VPS4A: variants seen among roughly 807,000 people sequenced by gnomAD.
VPS4A encodes vacuolar protein sorting-associated protein 4A.
VPS4A carries 20 observed loss-of-function variants against 52.3 expected under a neutral mutation model. That is an observed-to-expected ratio of 0.38 (90% confidence interval 0.27 to 0.56). The LOEUF (loss-of-function observed/expected upper bound fraction) is 0.56, where lower values mean the gene tolerates loss of function less well. Ranked by LOEUF, VPS4A falls within the 20% of genes least tolerant of loss-of-function variation. The pLI is 0.72. For synonymous variants in VPS4A, 293 were observed against 227.7 expected, an observed-to-expected ratio of 1.29 and a Z score of -2.58; for missense variants, 419 against 575.9, an observed-to-expected ratio of 0.73 and a Z score of 2.79.
rs1248094724 is a variant in VPS4A at position 69,322,719 on chromosome 16, G to A, written c.1212+19G>A. On this transcript the variant is annotated intron_variant, in intron 10 of 10. Coordinates refer to ENST00000254950, the MANE Select transcript of VPS4A (RefSeq NM_013245.3). The stretch of plus-strand genomic sequence containing the variant: ...TTGCATGGTAAGTGACTTGACAGGG[G>A]AGGGAAGAGGGCTGCACAGAGCCCA... 1 of 1,609,656 alleles carries A rather than the reference G, an allele frequency of 6.2e-7. No individual in the cohort carries two copies. Among genetic ancestry groups the A allele is most frequent in the Non-Finnish European group, 8.5e-7 (1 of 1,177,282 alleles).
chr16:69,311,682 G>T (rs1027612053), intron 1 of VPS4A, 150 bp downstream of exon 1: 4 of 861,968 alleles, frequency 4.6e-6, no homozygotes, highest in South Asian at 1.2e-4. Context: ...GCTTCCGCCC[G>T]TGTCTGTTTC....
At position 69,320,198 on chromosome 16, in the gene VPS4A, C is replaced by T. The variant is rs763087126; in HGVS notation, c.678C>T (p.Ile226=). 5 of 1,613,808 alleles carry T rather than the reference C, an allele frequency of 3.1e-6. No individual in the cohort carries two copies. The highest frequency in any genetic ancestry group is 1.3e-5 in the African/African-American group (1 of 74,932). The stretch of plus-strand genomic sequence containing the variant: ...AGCACAAGCCCTCCATCATCTTCAT[C>T]GATGAGGTGGATTCCCTCTGCGGGT... ...ARQHKPSIIF[I]DEVDSLCGSR... Residue 226 remains isoleucine, a synonymous_variant, in exon 7 of 11, where the codon ATC becomes ATT. Coordinates refer to ENST00000254950, the MANE Select transcript of VPS4A (RefSeq NM_013245.3). This position sits in a 1 kb window ranked among gnomAD's most constrained non-coding sequence, Gnocchi z 4.2.
In VPS4A at chr16:69,321,770, G is replaced by T. The variant is rs3852689; in HGVS notation, c.1071+500G>T. ...GAGACAGTCAACACAGTCAGTGAGTGTCTCAGAGGATGGAGATGGAGCAGG... is the reference window on the plus strand; with the variant it reads ...GAGACAGTCAACACAGTCAGTGAGTTTCTCAGAGGATGGAGATGGAGCAGG... On this transcript the variant is annotated intron_variant, in intron 9 of 10. Transcript: ENST00000254950. This position sits in a 1 kb window ranked among gnomAD's most constrained non-coding sequence, Gnocchi z 4.5. The T allele has an allele frequency of 0.26, 46,577 of 178,200 alleles. 6,875 individuals carry two copies. The highest frequency in any genetic ancestry group is 0.39 in the African/African-American group (16,187 of 41,930). The allele number at this position is 178,200 out of a possible 1,614,324, so 11.0% of individuals were successfully genotyped here. A position where few individuals can be genotyped will look rare whatever the true frequency, so the allele number is the denominator to read the frequency against.
chr16:69,321,316 G>A lies in VPS4A; in HGVS notation c.1071+46G>A, dbSNP rs1324724602. 5.2e-6 allele frequency: 8 copies of A among 1,528,758 alleles called. No individual in the cohort carries two copies. The highest frequency in any genetic ancestry group is 2.5e-5 in the South Asian group (2 of 81,570). The allele number at this position is 1,528,758 out of a possible 1,614,324, so 94.7% of individuals were successfully genotyped here. A position where few individuals can be genotyped will look rare whatever the true frequency, so the allele number is the denominator to read the frequency against. Reference sequence around the variant, plus strand: ...CTGAGAAAAATCTCATAGTAAGAGCGGGATGTTCGGTTTTTTTTTTCCCAG... The same window carrying A: ...CTGAGAAAAATCTCATAGTAAGAGCAGGATGTTCGGTTTTTTTTTTCCCAG... On this transcript the variant is annotated intron_variant, in intron 9 of 10. Coordinates refer to ENST00000254950, the MANE Select transcript of VPS4A (RefSeq NM_013245.3). The surrounding 1 kb of genome is among the most constrained non-coding windows in gnomAD (Gnocchi z 4.5).
chr16:69,317,556 A>G (rs864329), intron 3 of VPS4A, among the ~76,000 whole-genome samples: 3 of 151,996 alleles, frequency 2.0e-5, no homozygotes, highest in Non-Finnish European at 2.9e-5. Context: ...CACTTTGGGA[A>G]GCCGAGGCGG....
chr16:69,319,788 T>C (rs1284324434), intron 6 of VPS4A, among the ~76,000 whole-genome samples: 3 of 152,046 alleles, frequency 2.0e-5, no homozygotes, highest in African/African-American at 7.2e-5. Flanking sequence ...ATTTTTGGGG[T>C]CTGGGTTGCG....
chr16:69,324,558 C>G lies in VPS4A; in HGVS notation c.*249C>G, dbSNP rs1264870338. 8.5e-6 allele frequency: 4 copies of G among 469,674 alleles called. No homozygotes were observed. In the South Asian group the frequency reaches 1.2e-4, roughly 14 times the overall value. 29.1% of individuals were successfully genotyped at this position (469,674 alleles called of 1,614,324 possible). A position where few individuals can be genotyped will look rare whatever the true frequency, so the allele number is the denominator to read the frequency against. On this transcript the variant is annotated 3_prime_UTR_variant, in exon 11 of 11. Coordinates refer to ENST00000254950, the MANE Select transcript of VPS4A (RefSeq NM_013245.3). Reference sequence around the variant, plus strand: ...TCCTCTCCTGGATGCTCATCAGCTCCTTCTGCCTCCCCCCCTTTTTTTTCC... The same window carrying G: ...TCCTCTCCTGGATGCTCATCAGCTCGTTCTGCCTCCCCCCCTTTTTTTTCC...
chr16:69,316,001 T>C lies in VPS4A; in HGVS notation c.22-7T>C, dbSNP rs199577887. 1.0e-4 allele frequency: 164 copies of C among 1,613,222 alleles called. No homozygotes were observed. Among genetic ancestry groups the C allele is most frequent in the Non-Finnish European group, 1.3e-4 (154 of 1,179,722 alleles). ...GAAGCACTGAGCCATTTGCTTTGCCTTTCCAGAAAGCCATTGATCTGGTGA... is the reference window on the plus strand; with the variant it reads ...GAAGCACTGAGCCATTTGCTTTGCCCTTCCAGAAAGCCATTGATCTGGTGA... On this transcript the variant is annotated splice_region_variant and splice_polypyrimidine_tract_variant and intron_variant, in intron 1 of 10. Transcript: ENST00000254950.
rs1447043289 is a variant in VPS4A at position 69,311,380 on chromosome 16, C to T, written c.-132C>T. On this transcript the variant is annotated 5_prime_UTR_variant, in exon 1 of 11. Transcript: ENST00000254950. ...CGGACTCGGCTCCCGCTGCGAGCGG[C>T]CGCCCTGCCCGCGCACCGCGCTCAG... The T allele has an allele frequency of 1.1e-5, 11 of 1,031,454 alleles. 1 individual carries two copies. The African/African-American group carries it at 1.7e-4, about 16-fold the overall frequency. 63.9% of individuals were successfully genotyped at this position (1,031,454 alleles called of 1,614,324 possible). A position where few individuals can be genotyped will look rare whatever the true frequency, so the allele number is the denominator to read the frequency against.
chr16:69,324,149 G>A, intron 10 of VPS4A, 59 bp from the exon 11 acceptor site: 1 of 1,552,710 alleles, frequency 6.4e-7, no homozygotes, highest in South Asian at 1.2e-5. Context: ...TGTGTGCTGA[G>A]GGGAGGTTGG....
rs1946558240 is a variant in VPS4A at position 69,319,463 on chromosome 16, G to A, written c.540G>A (p.Val180=). The change falls in exon 6 of 11, where the codon GTG becomes GTA. Residue 180 remains valine, a synonymous_variant. Transcript: ENST00000254950. ...GTGKSYLAKA[V]ATEANNSTFF... Reference sequence around the variant, plus strand: ...GGAAATCCTACCTGGCCAAAGCCGTGGCAACAGAGGCCAACAACTCCACCT... The same window carrying A: ...GGAAATCCTACCTGGCCAAAGCCGTAGCAACAGAGGCCAACAACTCCACCT... 2.5e-6 allele frequency: 4 copies of A among 1,613,904 alleles called. No individual in the cohort carries two copies. Among genetic ancestry groups the A allele is most frequent in the African/African-American group, 2.7e-5 (2 of 74,940 alleles).
In VPS4A at chr16:69,320,636, C is replaced by G. The variant is rs1372452929; in HGVS notation, c.770-52C>G. 1.1e-5 allele frequency: 16 copies of G among 1,509,222 alleles called. No homozygotes were observed. Among genetic ancestry groups the G allele is most frequent in the Non-Finnish European group, 1.4e-5 (15 of 1,109,620 alleles). 93.5% of individuals were successfully genotyped at this position (1,509,222 alleles called of 1,614,324 possible). A position where few individuals can be genotyped will look rare whatever the true frequency, so the allele number is the denominator to read the frequency against. ...CCCGGGGTCTGTCCCCAGGTTTCAA[C>G]TGACCCGTGCAGGTGTCCAGAGTCT... is the stretch of plus-strand genomic sequence containing the variant. On this transcript the variant is annotated intron_variant, in intron 7 of 10. Coordinates refer to ENST00000254950, the MANE Select transcript of VPS4A (RefSeq NM_013245.3). This position sits in a 1 kb window ranked among gnomAD's most constrained non-coding sequence, Gnocchi z 4.2.
intron 10 of VPS4A, among the ~76,000 whole-genome samples, chr16:69,323,927 G>A (rs1366320947): frequency 1.4e-5 from 2 of 138,550 alleles, no homozygotes; most frequent in Non-Finnish European, 3.1e-5. Context: ...TCCAGCCTGG[G>A]TGACAGACTC....
At chr16:69,315,779 G>A (rs979220032) in intron 1 of VPS4A, among the ~76,000 whole-genome samples, 30 of 152,184 alleles carry the variant, frequency 2.0e-4, no homozygotes, top group Admixed American at 1.3e-3. Context: ...AATCCAGAGC[G>A]TGGCTTTTAA....
In VPS4A at chr16:69,322,714, C is replaced by G; in HGVS notation, c.1212+14C>G. ...GTGGTTTGCATGGTAAGTGACTTGA[C>G]AGGGGAGGGAAGAGGGCTGCACAGA... On this transcript the variant is annotated intron_variant, in intron 10 of 10. Transcript: ENST00000254950. The G allele has an allele frequency of 6.2e-7, 1 of 1,609,988 alleles. No individual in the cohort carries two copies. Among genetic ancestry groups the G allele is most frequent in the Non-Finnish European group, 8.5e-7 (1 of 1,177,548 alleles).
In VPS4A at chr16:69,325,579, A is replaced by C. The variant is rs1013016860; in HGVS notation, c.*1270A>C. On this transcript the variant is annotated 3_prime_UTR_variant, in exon 11 of 11. Coordinates refer to ENST00000254950, the MANE Select transcript of VPS4A (RefSeq NM_013245.3). ...TGAAACCCCGTCTCACTAAAAATAAAAAAATTAGCCGGGCGTGGTGGTGGG... is the reference window on the plus strand; with the variant it reads ...TGAAACCCCGTCTCACTAAAAATAACAAAATTAGCCGGGCGTGGTGGTGGG... The C allele has an allele frequency of 2.6e-5, 4 of 152,098 alleles. No individual in the cohort carries two copies. The highest frequency in any genetic ancestry group is 5.9e-5 in the Non-Finnish European group (4 of 68,014). The allele number at this position is 152,098 out of a possible 1,614,324, so 9.4% of individuals were successfully genotyped here. A position where few individuals can be genotyped will look rare whatever the true frequency, so the allele number is the denominator to read the frequency against.
At chr16:69,316,966 C>T (rs74378158) in intron 3 of VPS4A, among the ~76,000 whole-genome samples, 3,636 of 152,134 alleles carry the variant, frequency 0.024, 61 homozygotes, top group Non-Finnish European at 0.029. Context: ...GTACTGGGTT[C>T]GCCCACCACG....
At position 69,324,861 on chromosome 16, in the gene VPS4A, C is replaced by T. The variant is rs979446779; in HGVS notation, c.*552C>T. 3.0e-5 allele frequency: 5 copies of T among 166,624 alleles called. No homozygotes were observed. Among genetic ancestry groups the T allele is most frequent in the African/African-American group, 1.2e-4 (5 of 41,980 alleles). The allele number at this position is 166,624 out of a possible 1,614,324, so 10.3% of individuals were successfully genotyped here. ...TAAGCCATTCCCACCCTCCTAGGTT[C>T]ACATCCAGGGCTGTGTCTTCCTTGG... On this transcript the variant is annotated 3_prime_UTR_variant, in exon 11 of 11. Transcript: ENST00000254950.
In VPS4A at chr16:69,320,949, C is replaced by G; in HGVS notation, c.852-102C>G. 1 of 1,297,866 alleles carries G rather than the reference C, an allele frequency of 7.7e-7. No individual in the cohort carries two copies. The highest frequency in any genetic ancestry group is 1.1e-6 in the Non-Finnish European group (1 of 926,882). 80.4% of individuals were successfully genotyped at this position (1,297,866 alleles called of 1,614,324 possible). A position where few individuals can be genotyped will look rare whatever the true frequency, so the allele number is the denominator to read the frequency against. On this transcript the variant is annotated intron_variant, in intron 8 of 10. Transcript: ENST00000254950. This position sits in a 1 kb window ranked among gnomAD's most constrained non-coding sequence, Gnocchi z 4.2. ...GAGGATGTGCCGCCAGCATCACTGG[C>G]CCATGAAATGCGTCCGTTTCACTCA... is the stretch of plus-strand genomic sequence containing the variant.
Sources: gnomAD v4.1 joint callset for allele counts (sites outside exome capture counted in the v4.1 genomes callset) on GRCh38, gnomAD v4.1.1 for gene constraint, Gnocchi (gnomAD v3.1) non-coding constraint, MANE v1.5 for transcripts, NCBI Gene and HGNC (gene_info 2026-07-23, HGNC 2026-07-21) for gene names.